Variants in RBP5 observed in about 807,000 individuals in gnomAD.
RBP5 encodes retinol-binding protein 5.
RBP5 carries 12 observed loss-of-function variants against 17.8 expected under a neutral mutation model. That is an observed-to-expected ratio of 0.67 (90% CI 0.43 to 1.09). RBP5 has a LOEUF of 1.09. Among genes scored for constraint, RBP5 ranks in the 50% least tolerant of loss-of-function variants. The pLI is 0.00. For missense variants in RBP5, 172 were observed against 169.4 expected (o/e 1.02, Z -0.09); for synonymous variants, 64 against 68.1 (o/e 0.94, Z 0.30).
At chr12:7,129,590 C>G (rs1009033435), upstream of RBP5, 99 of 984,360 alleles carry the variant, frequency 1.0e-4, no homozygotes, top group Non-Finnish European at 1.0e-4. The surrounding 1 kb of genome is among the most constrained non-coding windows in gnomAD (Gnocchi z 5.5). Flanking sequence ...TCGATGAGAC[C>G]GTAACCCCCA....
chr12:7,124,672 T>A lies in RBP5; in HGVS notation c.311A>T (p.Asn104Ile). 6.2e-7 allele frequency: 1 copy of A among 1,608,490 alleles called. No individual in the cohort carries two copies. Among genetic ancestry groups the A allele is most frequent in the Non-Finnish European group, 8.5e-7 (1 of 1,176,334 alleles). Residue 104 changes from asparagine (N) to isoleucine (I), a missense_variant, in exon 3 of 4, where the codon AAC becomes ATC. Coordinates refer to ENST00000266560, the MANE Select transcript of RBP5 (RefSeq NM_031491.4). The surrounding 1 kb of genome is among the most constrained non-coding windows in gnomAD (Gnocchi z 5.3). ...CTCCAGCCAGTGTCTCCAGCCCCGGTTGGGGACCTCCCCTTTCTGCACACA... is the reference window on the plus strand; with the variant it reads ...CTCCAGCCAGTGTCTCCAGCCCCGGATGGGGACCTCCCCTTTCTGCACACA... ...LVCVQKGEVP[N>I]RGWRHWLEGE... is the part of the protein sequence containing the mutation.
At chr12:7,127,601 T>C in intron 2 of RBP5, 1 of 659,786 alleles carries the variant, frequency 1.5e-6, no homozygotes. Flanking sequence ...GCTGAAGCTG[T>C]GGATGCAGAA....
In RBP5 at chr12:7,124,859, C is replaced by T. The variant is rs1230186287; in HGVS notation, c.253-129G>A. Reference sequence around the variant, plus strand: ...TGTCTGCTGCAGCCCCTCCACTGAGCGAGGGAGCTGCTCTGATTCAGCAGG... The same window carrying T: ...TGTCTGCTGCAGCCCCTCCACTGAGTGAGGGAGCTGCTCTGATTCAGCAGG... On this transcript the variant is annotated intron_variant, in intron 2 of 3. Coordinates refer to ENST00000266560, the MANE Select transcript of RBP5 (RefSeq NM_031491.4). This position sits in a 1 kb window ranked among gnomAD's most constrained non-coding sequence, Gnocchi z 5.3. The T allele has an allele frequency of 3.1e-5, 19 of 615,374 alleles. No individual in the cohort carries two copies. The highest frequency in any genetic ancestry group is 4.4e-5 in the Non-Finnish European group (15 of 338,086). 38.1% of individuals were successfully genotyped at this position (615,374 alleles called of 1,614,324 possible).
chr12:7,124,231 C>A lies in RBP5; in HGVS notation c.355-57G>T. The A allele has an allele frequency of 1.3e-6, 2 of 1,555,742 alleles. No individual in the cohort carries two copies. The highest frequency in any genetic ancestry group is 1.7e-5 in the Admixed American group (1 of 59,590). On this transcript the variant is annotated intron_variant, in intron 3 of 3. Transcript: ENST00000266560. This position sits in a 1 kb window ranked among gnomAD's most constrained non-coding sequence, Gnocchi z 5.3. The stretch of plus-strand genomic sequence containing the variant: ...GAAAGAGGGCGTTTGCCAGCCAGAG[C>A]CCCTTTCTCAAGGTCCTTGACCTCC...
upstream of RBP5, chr12:7,128,890 G>A (rs1356411833): frequency 1.2e-6 from 1 of 849,220 alleles, no homozygotes; most frequent in African/African-American, 1.7e-5. This position sits in a 1 kb window ranked among gnomAD's most constrained non-coding sequence, Gnocchi z 5.3. Flanking sequence ...GACAGGATGT[G>A]TAATGGCCGG....
Position 7,128,816 on chromosome 12 carries a change from G to T in RBP5, c.-41C>A. ...TTCAGGAGAATGCAGGAGACAGGGTGAGGAAGGAGGGGGTGTTGTCTGGCA... is the reference window on the plus strand; with the variant it reads ...TTCAGGAGAATGCAGGAGACAGGGTTAGGAAGGAGGGGGTGTTGTCTGGCA... On this transcript the variant is annotated 5_prime_UTR_variant, in exon 1 of 4. Transcript: ENST00000266560. The surrounding 1 kb of genome is among the most constrained non-coding windows in gnomAD (Gnocchi z 5.3). 1 of 1,485,390 alleles carries T rather than the reference G, an allele frequency of 6.7e-7. No homozygotes were observed. The highest frequency in any genetic ancestry group is 9.2e-7 in the Non-Finnish European group (1 of 1,081,560). 92.0% of individuals were successfully genotyped at this position (1,485,390 alleles called of 1,614,324 possible). A position where few individuals can be genotyped will look rare whatever the true frequency, so the allele number is the denominator to read the frequency against.
At position 7,128,675 on chromosome 12, in the gene RBP5, CA is replaced by C; in HGVS notation, c.73+27del. The C allele has an allele frequency of 6.4e-7, 1 of 1,550,422 alleles. No homozygotes were observed. The highest frequency in any genetic ancestry group is 8.8e-7 in the Non-Finnish European group (1 of 1,136,776). On this transcript the variant is annotated intron_variant, in intron 1 of 3. Coordinates refer to ENST00000266560, the MANE Select transcript of RBP5 (RefSeq NM_031491.4). This position sits in a 1 kb window ranked among gnomAD's most constrained non-coding sequence, Gnocchi z 5.3. The stretch of plus-strand genomic sequence containing the variant: ...AAGGAAGAGGGGAGAAAGGGAGTGA[CA>C]GGGGTCTGGGAGGGCGAGGCCATTA...
At position 7,124,295 on chromosome 12, in the gene RBP5, G is replaced by A. The variant is rs1004481305; in HGVS notation, c.355-121C>T. On this transcript the variant is annotated intron_variant, in intron 3 of 3. Transcript: ENST00000266560. The surrounding 1 kb of genome is among the most constrained non-coding windows in gnomAD (Gnocchi z 5.3). ...GGATACAGCAGCTTGAGTGTTTGAT[G>A]TATGGGCAATTGTATCATTATTCCA... The A allele has an allele frequency of 1.2e-6, 1 of 839,942 alleles. No individual in the cohort carries two copies. Among genetic ancestry groups the A allele is most frequent in the East Asian group, 2.6e-5 (1 of 37,994 alleles). The allele number at this position is 839,942 out of a possible 1,614,324, so 52.0% of individuals were successfully genotyped here.
downstream of RBP5, among the ~76,000 whole-genome samples, chr12:7,119,221 TG>T (rs1939046663): frequency 1.6e-5 from 1 of 63,332 alleles, no homozygotes; most frequent in Non-Finnish European, 3.4e-5. Flanking sequence ...TCCCAAGGGC[TG>T]GGGGGTAGGG....
At position 7,128,365 on chromosome 12, in the gene RBP5, T is replaced by A; in HGVS notation, c.127A>T (p.Ile43Phe). 6.2e-7 allele frequency: 1 copy of A among 1,614,190 alleles called. No individual in the cohort carries two copies. Among genetic ancestry groups the A allele is most frequent in the East Asian group, 2.2e-5 (1 of 44,880 alleles). The change falls in exon 2 of 4, where the codon ATC (isoleucine) becomes TTC (phenylalanine). Residue 43 changes from isoleucine to phenylalanine, a missense_variant. Coordinates refer to ENST00000266560, the MANE Select transcript of RBP5 (RefSeq NM_031491.4). The surrounding 1 kb of genome is among the most constrained non-coding windows in gnomAD (Gnocchi z 5.3). Reference protein sequence around the residue: ...IALLLKPDKEIEHQGNHMTVR... With the variant: ...IALLLKPDKEFEHQGNHMTVR... ...GTCATGTGGTTGCCCTGGTGTTCGA[T>A]CTCCTTGTCCGGCTTCAGCAGCAGC...
At position 7,126,176 on chromosome 12, in the gene RBP5, C is replaced by G. The variant is rs779710630; in HGVS notation, c.253-1446G>C. On this transcript the variant is annotated intron_variant, in intron 2 of 3. Transcript: ENST00000266560. ...AAGGTTAGGAGGGAACACAGGAGAG[C>G]CATTTAGAAGAGTGATGCTCAACAG... 2.6e-5 allele frequency among the ~76,000 whole-genome samples: 4 copies of G among 151,658 alleles called. No individual in the cohort carries two copies. In the South Asian group the frequency reaches 8.3e-4, roughly 32 times the overall value.
intron 2 of RBP5, among the ~76,000 whole-genome samples, chr12:7,126,514 T>G (rs1279211275): frequency 1.4e-4 from 12 of 83,728 alleles, no homozygotes; most frequent in African/African-American, 2.4e-4. Context: ...GGTGGTGGTG[T>G]GTGTGTGTGT....
At position 7,124,700 on chromosome 12, in the gene RBP5, C is replaced by A; in HGVS notation, c.283G>T (p.Val95Leu). 6.2e-7 allele frequency: 1 copy of A among 1,611,844 alleles called. No homozygotes were observed. Among genetic ancestry groups the A allele is most frequent in the South Asian group, 1.1e-5 (1 of 91,038 alleles). ...TIVTWEEEHLVCVQKGEVPNR... is the reference protein window; with the variant it reads ...TIVTWEEEHLLCVQKGEVPNR... The stretch of plus-strand genomic sequence containing the variant: ...GGGACCTCCCCTTTCTGCACACACA[C>A]CAGGTGCTCCTCCTCCCAGGTTACT... The change falls in exon 3 of 4, where the codon GTG becomes TTG. Residue 95 changes from valine to leucine, a missense_variant. Transcript: ENST00000266560. This position sits in a 1 kb window ranked among gnomAD's most constrained non-coding sequence, Gnocchi z 5.3.
Position 7,128,815 on chromosome 12 carries a change from T to C in RBP5, c.-40A>G. 1.3e-6 allele frequency: 2 copies of C among 1,507,066 alleles called. No homozygotes were observed. Among genetic ancestry groups the C allele is most frequent in the South Asian group, 2.4e-5 (2 of 83,936 alleles). The allele number at this position is 1,507,066 out of a possible 1,614,324, so 93.4% of individuals were successfully genotyped here. ...TTTCAGGAGAATGCAGGAGACAGGG[T>C]GAGGAAGGAGGGGGTGTTGTCTGGC... On this transcript the variant is annotated 5_prime_UTR_variant, in exon 1 of 4. Transcript: ENST00000266560. The surrounding 1 kb of genome is among the most constrained non-coding windows in gnomAD (Gnocchi z 5.3).
At chr12:7,119,223 G>T (rs764975293), downstream of RBP5, among the ~76,000 whole-genome samples, 2 of 151,640 alleles carry the variant, frequency 1.3e-5, no homozygotes, top group African/African-American at 4.8e-5. Context: ...CCAAGGGCTG[G>T]GGGGTAGGGG....
chr12:7,124,196 G>A lies in RBP5; in HGVS notation c.355-22C>T, dbSNP rs764400741. Reference sequence around the variant, plus strand: ...GTTCCTGGGGAGAGAGGGGAAGTGAGGGGGAGAGAGAAAGAGGGCGTTTGC... The same window carrying A: ...GTTCCTGGGGAGAGAGGGGAAGTGAAGGGGAGAGAGAAAGAGGGCGTTTGC... On this transcript the variant is annotated intron_variant, in intron 3 of 3. Transcript: ENST00000266560. This position sits in a 1 kb window ranked among gnomAD's most constrained non-coding sequence, Gnocchi z 5.3. 23 of 1,613,156 alleles carry A rather than the reference G, an allele frequency of 1.4e-5. No homozygotes were observed. Among genetic ancestry groups the A allele is most frequent in the African/African-American group, 1.3e-4 (10 of 74,896 alleles).
chr12:7,122,499 A>G (rs1939095014), downstream of RBP5: 1 of 152,226 alleles, frequency 6.6e-6, no homozygotes, highest in Non-Finnish European at 1.5e-5. Flanking sequence ...GGGAAAAATA[A>G]AAATATATAG....
chr12:7,128,181 T>C lies in RBP5; in HGVS notation c.252+59A>G, dbSNP rs1939206004. The C allele has an allele frequency of 1.3e-6, 2 of 1,490,198 alleles. No individual in the cohort carries two copies. The highest frequency in any genetic ancestry group is 1.8e-6 in the Non-Finnish European group (2 of 1,096,102). The allele number at this position is 1,490,198 out of a possible 1,614,324, so 92.3% of individuals were successfully genotyped here. ...GAAGGTCACTTTGTTTTGCCCCATGTTGTTAGGAGTCTCCTGTGATGCCTC... is the reference window on the plus strand; with the variant it reads ...GAAGGTCACTTTGTTTTGCCCCATGCTGTTAGGAGTCTCCTGTGATGCCTC... On this transcript the variant is annotated intron_variant, in intron 2 of 3. Coordinates refer to ENST00000266560, the MANE Select transcript of RBP5 (RefSeq NM_031491.4). This position sits in a 1 kb window ranked among gnomAD's most constrained non-coding sequence, Gnocchi z 5.3.
downstream of RBP5, chr12:7,119,668 AT>A (rs1256901821): frequency 6.5e-6 from 1 of 154,826 alleles, no homozygotes. Context: ...AGTTAAGAGA[AT>A]TTCAATCATC....
Sources: gnomAD v4.1 joint callset for allele counts (sites outside exome capture counted in the v4.1 genomes callset) on GRCh38, gnomAD v4.1.1 for gene constraint, Gnocchi (gnomAD v3.1) non-coding constraint, MANE v1.5 for transcripts, NCBI Gene and HGNC (gene_info 2026-07-23, HGNC 2026-07-21) for gene names.